The following STOX1 variants were observed in gnomAD, a reference collection of about 807,000 sequenced individuals.
STOX1 encodes storkhead box 1, also known as storkhead-box protein 1.
A neutral mutation model predicts 74.8 loss-of-function variants in STOX1; 57 were observed. The observed-to-expected ratio is 0.76, with a 90% confidence interval of 0.62 to 0.95. The LOEUF is 0.95. Among genes scored for constraint, STOX1 ranks in the 40% least tolerant of loss-of-function variants. STOX1 has a pLI of 0.00. For missense variants in STOX1, 1,010 were observed against 1,117.0 expected, an observed-to-expected ratio of 0.90 and a Z score of 1.37; for synonymous variants, 375 against 401.3, an observed-to-expected ratio of 0.93 and a Z score of 0.78.
rs568837488 is a variant in STOX1 at position 68,891,234 on chromosome 10, A to G, written c.2823-1355A>G. On this transcript the variant is annotated intron_variant, in intron 3 of 3. Coordinates refer to ENST00000298596, the MANE Select transcript of STOX1 (RefSeq NM_152709.5). ...AAAGGAAAGTAACATTTGAACATCA[A>G]CTGTGTGCCATGATGGTTATAAGGA... Among the ~76,000 whole-genome samples, 20 of 152,342 alleles carry G rather than the reference A, an allele frequency of 1.3e-4. No individual in the cohort carries two copies. In the East Asian group the frequency reaches 3.5e-3, roughly 26 times the overall value.
Position 68,886,467 on chromosome 10 carries a change from C to A in STOX1, c.2671C>A (p.Gln891Lys). ...TAGCTGGAGTCAGAGTCCTCAGAAT[C>A]AGGAAATGAGAAAACATTTCCCACA... Reference protein sequence around the residue: ...PASWSQSPQNQEMRKHFPQKF... With the variant: ...PASWSQSPQNKEMRKHFPQKF... Residue 891 changes from glutamine to lysine, a missense_variant, in exon 3 of 4, where the codon CAG (glutamine) becomes AAG (lysine). Transcript: ENST00000298596. The A allele has an allele frequency of 6.2e-7, 1 of 1,614,062 alleles. No individual in the cohort carries two copies. Among genetic ancestry groups the A allele is most frequent in the South Asian group, 1.1e-5 (1 of 91,050 alleles).
intron 1 of STOX1, among the ~76,000 whole-genome samples, chr10:68,858,464 G>C (rs954181163): frequency 3.9e-5 from 6 of 152,100 alleles, no homozygotes; most frequent in African/African-American, 1.5e-4. Context: ...AAGTTGAACA[G>C]TTTGTGTCTT....
intron 1 of STOX1, among the ~76,000 whole-genome samples, chr10:68,841,841 TC>T (rs1256650268): frequency 1.3e-5 from 2 of 152,146 alleles, no homozygotes; most frequent in African/African-American, 4.8e-5. Context: ...TTGGAGGCGT[TC>T]CTGGGAAACT....
intron 1 of STOX1, among the ~76,000 whole-genome samples, chr10:68,870,071 T>TA (rs906438186): frequency 2.6e-5 from 4 of 151,734 alleles, no homozygotes; most frequent in Admixed American, 6.6e-5. Context: ...AGGACAGCTT[T>TA]AAAAAAAAAT....
At chr10:68,887,661 T>C (rs1261064605) in intron 3 of STOX1, among the ~76,000 whole-genome samples, 2 of 150,444 alleles carry the variant, frequency 1.3e-5, no homozygotes, top group Non-Finnish European at 2.9e-5. Context: ...TGGTGCAATC[T>C]CTGCTCACTG....
rs1746167088 is a variant in STOX1, at chr10:68,892,767, T to C, written c.*31T>C. On this transcript the variant is annotated 3_prime_UTR_variant, in exon 4 of 4. Coordinates refer to ENST00000298596, the MANE Select transcript of STOX1 (RefSeq NM_152709.5). ...TTTTGGAAACCTACTTTTTTCTTTA[T>C]AAAAAGGTAGAGCATTATTACAGAA... is the stretch of plus-strand genomic sequence containing the variant. 1.2e-6 allele frequency: 2 copies of C among 1,603,006 alleles called. No individual in the cohort carries two copies. The highest frequency in any genetic ancestry group is 1.3e-5 in the African/African-American group (1 of 74,618).
chr10:68,836,357 A>T (rs1282938418), intron 1 of STOX1, among the ~76,000 whole-genome samples: 1 of 152,222 alleles, frequency 6.6e-6, no homozygotes, highest in African/African-American at 2.4e-5. Context: ...CATCAGGAAA[A>T]TAACAAATAC....
rs1200755211 is a variant in STOX1, at chr10:68,884,888, A to G, written c.1092A>G (p.Arg364=). The G allele has an allele frequency of 6.2e-7, 1 of 1,614,086 alleles. No homozygotes were observed. The highest frequency in any genetic ancestry group is 2.2e-5 in the East Asian group (1 of 44,888). The change falls in exon 3 of 4, where the codon CGA becomes CGG. Residue 364 remains arginine (R), a synonymous_variant. Coordinates refer to ENST00000298596, the MANE Select transcript of STOX1 (RefSeq NM_152709.5). ...PRDVEHEIIK[R]INPILTVDNL... is the part of the protein sequence containing the mutation. The stretch of plus-strand genomic sequence containing the variant: ...ATGTTGAACATGAGATAATCAAACG[A>G]ATTAACCCCATTTTGACTGTTGACA...
chr10:68,886,297 A>G lies in STOX1; in HGVS notation c.2501A>G (p.Tyr834Cys), dbSNP rs960689416. The change falls in exon 3 of 4, where the codon TAC becomes TGC. Residue 834 changes from tyrosine to cysteine, a missense_variant. Tyr to Cys is a radical substitution (Grantham distance 194). Transcript: ENST00000298596. ...TCAGGGGCCCAGTTTGGTTTTAACTACGAAGAAGAACCCAGTGTTGCTAAA... is the reference window on the plus strand; with the variant it reads ...TCAGGGGCCCAGTTTGGTTTTAACTGCGAAGAAGAACCCAGTGTTGCTAAA... ...LNSGAQFGFN[Y>C]EEEPSVAKCV... The G allele has an allele frequency of 1.2e-6, 2 of 1,614,094 alleles. No homozygotes were observed. Among genetic ancestry groups the G allele is most frequent in the Non-Finnish European group, 1.7e-6 (2 of 1,180,048 alleles).
At chr10:68,881,886 C>T (rs1281198700) in intron 1 of STOX1, 72 bp from the exon 2 acceptor site, 1 of 1,576,008 alleles carries the variant, frequency 6.3e-7, no homozygotes, top group Non-Finnish European at 8.7e-7. Context: ...TTTTGTTTCA[C>T]TAATTCCAAA....
intron 1 of STOX1, among the ~76,000 whole-genome samples, chr10:68,872,459 C>T (rs2131978752): frequency 6.6e-6 from 1 of 151,336 alleles, no homozygotes; most frequent in Non-Finnish European, 1.5e-5. Context: ...GATTCTCCTG[C>T]TTCAGCCTCC....
Position 68,886,350 on chromosome 10 carries a change from G to A in STOX1, c.2554G>A (p.Glu852Lys), listed in dbSNP as rs369409518. Residue 852 changes from glutamate (E) to lysine (K), a missense_variant, in exon 3 of 4, where the codon GAA (glutamate) becomes AAA (lysine). Coordinates refer to ENST00000298596, the MANE Select transcript of STOX1 (RefSeq NM_152709.5). ...KCVQASAPAD[E>K]RIFDYYSARK... ...TGTACAGGCCTCAGCACCTGCTGATGAAAGAATCTTTGATTACTATAGCGC... is the reference window on the plus strand; with the variant it reads ...TGTACAGGCCTCAGCACCTGCTGATAAAAGAATCTTTGATTACTATAGCGC... 2 of 1,614,062 alleles carry A rather than the reference G, an allele frequency of 1.2e-6. No individual in the cohort carries two copies. The highest frequency in any genetic ancestry group is 1.7e-5 in the Admixed American group (1 of 59,996).
intron 1 of STOX1, among the ~76,000 whole-genome samples, chr10:68,835,368 G>A (rs1839520636): frequency 6.6e-6 from 1 of 151,910 alleles, no homozygotes; most frequent in African/African-American, 2.4e-5. Context: ...TTTAGATAGA[G>A]GGTTTCACTC....
intron 1 of STOX1, among the ~76,000 whole-genome samples, chr10:68,847,754 A>C (rs192907550): frequency 7.0e-6 from 1 of 142,926 alleles, no homozygotes; most frequent in Non-Finnish European, 1.5e-5. Context: ...TTTGAGACGG[A>C]GTTTCGCTCT....
chr10:68,892,567 C>T (rs758382717), intron 3 of STOX1, 22 bp from the exon 4 acceptor site: 9 of 1,610,584 alleles, frequency 5.6e-6, no homozygotes, highest in Non-Finnish European at 6.8e-6. Flanking sequence ...GCCAATAATT[C>T]TGTTATTTTT....
chr10:68,841,645 A>C (rs754321373), intron 1 of STOX1, among the ~76,000 whole-genome samples: 24 of 152,186 alleles, frequency 1.6e-4, no homozygotes, highest in Non-Finnish European at 2.5e-4. Context: ...TAGGGATTAC[A>C]TGAAAGAGAG....
At chr10:68,868,134 T>C (rs1840454204) in intron 1 of STOX1, among the ~76,000 whole-genome samples, 1 of 152,218 alleles carries the variant, frequency 6.6e-6, no homozygotes, top group South Asian at 2.1e-4. Context: ...TTGCTGAGAC[T>C]AGCTTGGTTG....
chr10:68,860,478 G>A (rs1840237881), intron 1 of STOX1, among the ~76,000 whole-genome samples: 1 of 149,060 alleles, frequency 6.7e-6, no homozygotes, highest in South Asian at 2.1e-4. Context: ...GCTGAGGCAG[G>A]AGAATTGCTT....
chr10:68,867,070 G>A (rs929659955), intron 1 of STOX1, among the ~76,000 whole-genome samples: 4 of 150,350 alleles, frequency 2.7e-5, no homozygotes, highest in Admixed American at 1.3e-4. Context: ...TCAGCCTCCC[G>A]AGTAGCTGGG....
Sources: gnomAD v4.1 joint callset for allele counts (sites outside exome capture counted in the v4.1 genomes callset) on GRCh38, gnomAD v4.1.1 for gene constraint, MANE v1.5 for transcripts, NCBI Gene and HGNC (gene_info 2026-07-23, HGNC 2026-07-21) for gene names.